The following XKR9 variants were observed in gnomAD, a reference collection of about 807,000 sequenced individuals.
The protein encoded by XKR9 is XK-related protein 9.
A neutral mutation model predicts 32.0 loss-of-function variants in XKR9; 32 were observed. The ratio of observed to expected loss-of-function variants is 1.00; its 90% confidence interval spans 0.76 to 1.34. The LOEUF (loss-of-function observed/expected upper bound fraction) is 1.34, where lower values mean the gene tolerates loss of function less well. Among genes scored for constraint, XKR9 ranks in the 40% most tolerant of loss-of-function variants. The pLI is 0.00. For missense variants in XKR9, 546 were observed against 429.7 expected (o/e 1.27, Z -2.39); for synonymous variants, 168 against 143.4 (o/e 1.17, Z -1.22).
the XKR9 span, among the ~76,000 whole-genome samples, chr8:70,839,793 C>T: frequency 6.6e-6 from 1 of 152,090 alleles, no homozygotes; most frequent in Non-Finnish European, 1.5e-5. Context: ...TTAAGGATAT[C>T]TGTACCTGAG....
At chr8:70,736,035 C>T (rs1563460870), downstream of XKR9, 1 of 152,200 alleles carries the variant, frequency 6.6e-6, no homozygotes, top group East Asian at 1.9e-4. Context: ...TGAGGAATCA[C>T]CACACTGACT....
At chr8:71,015,256 A>ATG in the XKR9 span, among the ~76,000 whole-genome samples, 1 of 152,196 alleles carries the variant, frequency 6.6e-6, no homozygotes, top group African/African-American at 2.4e-5. Flanking sequence ...TACTCTGTCA[A>ATG]AAAACGTCTG....
the XKR9 span, among the ~76,000 whole-genome samples, chr8:70,799,713 T>C: frequency 6.6e-6 from 1 of 152,240 alleles, no homozygotes; most frequent in Non-Finnish European, 1.5e-5. Flanking sequence ...ATTGATTTTG[T>C]ATCCTGAGAC....
At chr8:70,861,872 A>T in the XKR9 span, among the ~76,000 whole-genome samples, 1 of 152,088 alleles carries the variant, frequency 6.6e-6, no homozygotes, top group African/African-American at 2.4e-5. Flanking sequence ...CTTTTCCTTT[A>T]TATGTAGGAA....
intron 3 of XKR9, among the ~76,000 whole-genome samples, chr8:70,700,994 T>C (rs993688877): frequency 6.6e-6 from 1 of 152,098 alleles, no homozygotes; most frequent in Non-Finnish European, 1.5e-5. Flanking sequence ...CCGAGCCAGG[T>C]GTGGGATATA....
At chr8:70,977,318 T>A in the XKR9 span, among the ~76,000 whole-genome samples, 1 of 152,200 alleles carries the variant, frequency 6.6e-6, no homozygotes, top group African/African-American at 2.4e-5. Context: ...TCTAGTTCTT[T>A]TAATTGTGAT....
the XKR9 span, among the ~76,000 whole-genome samples, chr8:71,033,475 T>TG: frequency 6.6e-6 from 1 of 152,192 alleles, no homozygotes; most frequent in South Asian, 2.1e-4. Context: ...GGCAGTGCTA[T>TG]GGTTTGGATG....
At chr8:71,006,508 C>T in the XKR9 span, among the ~76,000 whole-genome samples, 2 of 152,050 alleles carry the variant, frequency 1.3e-5, no homozygotes, top group African/African-American at 4.8e-5. Flanking sequence ...GATGGGGTGT[C>T]CATGAGGAAA....
At chr8:70,880,909 G>T in the XKR9 span, among the ~76,000 whole-genome samples, 2 of 152,138 alleles carry the variant, frequency 1.3e-5, no homozygotes, top group East Asian at 3.8e-4. Flanking sequence ...CATGGTACTG[G>T]TACCAAAACA....
chr8:70,904,636 G>A, the XKR9 span, among the ~76,000 whole-genome samples: 1 of 152,118 alleles, frequency 6.6e-6, no homozygotes, highest in East Asian at 1.9e-4. Context: ...GGGTTATATT[G>A]TTATGTGTGA....
intron 2 of XKR9, among the ~76,000 whole-genome samples, chr8:70,747,153 C>G (rs1807069743): frequency 6.6e-6 from 1 of 152,096 alleles, no homozygotes; most frequent in South Asian, 2.1e-4. Flanking sequence ...TTTATTCAGT[C>G]CACCATTGAT....
chr8:70,867,292 C>T, the XKR9 span, among the ~76,000 whole-genome samples: 3 of 152,124 alleles, frequency 2.0e-5, no homozygotes. Context: ...ATTAAATTAC[C>T]TCCCACCAGG....
chr8:70,876,014 A>C, the XKR9 span, among the ~76,000 whole-genome samples: 1 of 152,184 alleles, frequency 6.6e-6, no homozygotes, highest in Non-Finnish European at 1.5e-5. Context: ...GAAACAATTC[A>C]AACATAATAT....
rs193129760 is a variant in XKR9, at chr8:70,758,209, C to T, written n.353-31130C>T. On this transcript the variant is annotated intron_variant and non_coding_transcript_variant, in intron 2 of 3. Transcript: ENST00000520273. ...CCCTACGTTGTTAAGCCTCTGATGT[C>T]GTTCCTTAGGGAGGCACAGCTTTGA... Among the ~76,000 whole-genome samples the T allele has an allele frequency of 2.9e-3, 444 of 151,970 alleles. 4 individuals carry two copies. Among genetic ancestry groups the T allele is most frequent in the African/African-American group, 9.4e-3 (389 of 41,488 alleles).
At chr8:71,046,438 C>CT in the XKR9 span, among the ~76,000 whole-genome samples, 1 of 152,282 alleles carries the variant, frequency 6.6e-6, no homozygotes, top group Non-Finnish European at 1.5e-5. Flanking sequence ...CCTAACATTG[C>CT]TTTTCAAATC....
the XKR9 span, among the ~76,000 whole-genome samples, chr8:70,944,062 CTT>C: frequency 2.0e-5 from 3 of 152,064 alleles, no homozygotes; most frequent in South Asian, 6.2e-4. Context: ...TTCTATGAGT[CTT>C]TTGCAAAATG....
At chr8:70,886,766 T>C in the XKR9 span, among the ~76,000 whole-genome samples, 1 of 152,156 alleles carries the variant, frequency 6.6e-6, no homozygotes, top group Non-Finnish European at 1.5e-5. Flanking sequence ...TTTAAGTTCC[T>C]TGTAGACTCT....
At chr8:70,928,597 A>G in the XKR9 span, among the ~76,000 whole-genome samples, 2 of 152,020 alleles carry the variant, frequency 1.3e-5, no homozygotes, top group Non-Finnish European at 2.9e-5. Context: ...GTTGATATCT[A>G]TAGTTGCTAT....
chr8:71,040,115 G>T, the XKR9 span, among the ~76,000 whole-genome samples: 3,123 of 152,268 alleles, frequency 0.021, 98 homozygotes, highest in African/African-American at 0.071. Flanking sequence ...TTTAAGCCCT[G>T]AAGTATGTCT....
Sources: allele counts gnomAD v4.1 joint callset (sites outside exome capture counted in the v4.1 genomes callset), GRCh38; gene constraint gnomAD v4.1.1; transcripts MANE v1.5; gene names NCBI Gene and HGNC (gene_info 2026-07-23, HGNC 2026-07-21).